ARHGEF2: variants seen among roughly 807,000 people sequenced by gnomAD.
ARHGEF2 encodes rho guanine nucleotide exchange factor 2.
In ARHGEF2, 22 loss-of-function variants were observed where a neutral mutation model predicts 121.0. That is an observed-to-expected ratio of 0.18 (90% CI 0.13 to 0.26). The LOEUF is 0.26. Ranked by LOEUF, ARHGEF2 falls within the 10% of genes least tolerant of loss-of-function variation. ARHGEF2 has a pLI of 1.00. For missense variants in ARHGEF2, 907 were observed against 1,336.0 expected, an observed-to-expected ratio of 0.68 and a Z score of 5.01; for synonymous variants, 487 against 530.0, an observed-to-expected ratio of 0.92 and a Z score of 1.11.
chr1:155,972,918 G>A (rs1176704093), intron 1 of ARHGEF2, among the ~76,000 whole-genome samples: 1 of 151,714 alleles, frequency 6.6e-6, no homozygotes. Flanking sequence ...TGCCCAGGCT[G>A]GTCTCGAACT....
chr1:155,952,714 A>G lies in ARHGEF2; in HGVS notation c.1898T>C (p.Leu633Pro), dbSNP rs1343670184. 6.2e-7 allele frequency: 1 copy of G among 1,614,212 alleles called. No individual in the cohort carries two copies. The highest frequency in any genetic ancestry group is 1.7e-5 in the Admixed American group (1 of 60,024). Residue 633 changes from leucine (L) to proline (P), a missense_variant, in exon 15 of 22, where the codon CTG becomes CCG. Around this residue, in one of 2 missense-constraint regions of ARHGEF2, gnomAD observed 432 missense variants for 559.5 expected, o/e 0.77. Coordinates refer to ENST00000361247, the MANE Select transcript of ARHGEF2 (RefSeq NM_001162383.2). Reference protein sequence around the residue: ...AEEDGGSGMALPTLPRGLFRS... With the variant: ...AEEDGGSGMAPPTLPRGLFRS... ...GAAAAGGCCCCTGGGCAGGGTGGGC[A>G]GGGCCATCCCACTGCCACCATCCTC... is the stretch of plus-strand genomic sequence containing the variant.
Position 155,978,440 on chromosome 1 carries a change from G to T in ARHGEF2, c.-13C>A. 1.4e-6 allele frequency: 2 copies of T among 1,474,420 alleles called. No individual in the cohort carries two copies. Among genetic ancestry groups the T allele is most frequent in the Non-Finnish European group, 1.8e-6 (2 of 1,097,514 alleles). The allele number at this position is 1,474,420 out of a possible 1,614,324, so 91.3% of individuals were successfully genotyped here. A position where few individuals can be genotyped will look rare whatever the true frequency, so the allele number is the denominator to read the frequency against. ...CGATCCGAGACATAATCGGACGGGG[G>T]GACCAGGGAGGACGCGGCGCGGACC... On this transcript the variant is annotated 5_prime_UTR_variant, in exon 1 of 22. Transcript: ENST00000361247. The surrounding 1 kb of genome is among the most constrained non-coding windows in gnomAD (Gnocchi z 4.1).
chr1:155,976,609 C>G (rs1196041715), intron 1 of ARHGEF2, among the ~76,000 whole-genome samples: 2 of 137,720 alleles, frequency 1.5e-5, no homozygotes, highest in South Asian at 2.7e-4. Context: ...CCTGCCCCCA[C>G]AGAACCGCTC....
At position 155,951,494 on chromosome 1, in the gene ARHGEF2, G is replaced by A; in HGVS notation, c.2248C>T (p.His750Tyr). 1 of 1,614,198 alleles carries A rather than the reference G, an allele frequency of 6.2e-7. No individual in the cohort carries two copies. Among genetic ancestry groups the A allele is most frequent in the Non-Finnish European group, 8.5e-7 (1 of 1,180,030 alleles). The change falls in exon 19 of 22, where the codon CAT becomes TAT. Residue 750 changes from histidine (H) to tyrosine (Y), a missense_variant. Around this residue, in one of 2 missense-constraint regions of ARHGEF2, gnomAD observed 432 missense variants for 559.5 expected, o/e 0.77. Coordinates refer to ENST00000361247, the MANE Select transcript of ARHGEF2 (RefSeq NM_001162383.2). This position sits in a 1 kb window ranked among gnomAD's most constrained non-coding sequence, Gnocchi z 5.1. ...CTTGTCCTACTGACCTGTAGGCCAT[G>A]TAGAAGTCCATAGAGATTGACCAAT... is the stretch of plus-strand genomic sequence containing the variant. Reference protein sequence around the residue: ...QRLVNLYGLLHGLQAAVAQQD... With the variant: ...QRLVNLYGLLYGLQAAVAQQD...
intron 4 of ARHGEF2, 79 bp downstream of exon 4, chr1:155,966,337 G>T: frequency 7.1e-7 from 1 of 1,404,560 alleles, no homozygotes; most frequent in Non-Finnish European, 1.0e-6. Context: ...AACAACCTTA[G>T]TGGGGCAGCA....
In ARHGEF2 at chr1:155,974,852, A is replaced by AGG. The variant is rs35700691; in HGVS notation, c.63+3511_63+3512dup. Among the ~76,000 whole-genome samples the AGG allele has an allele frequency of 7.7e-4, 117 of 151,296 alleles. 1 individual carries two copies. In the South Asian group the frequency reaches 0.018, roughly 23 times the overall value. On this transcript the variant is annotated intron_variant, in intron 1 of 21. Transcript: ENST00000361247. ...AGGAGAGAGAGACAAGCAGAAAGAG[A>AGG]GGGGGGGTAAGCGATGCAAACAGAC...
At chr1:155,954,285 T>C (rs539611893) in intron 14 of ARHGEF2, among the ~76,000 whole-genome samples, 1,477 of 141,056 alleles carry the variant, frequency 0.01, 16 homozygotes, top group African/African-American at 0.033. Context: ...TCTACTTCTT[T>C]TTTTTTTTTT....
chr1:155,965,279 T>C lies in ARHGEF2; in HGVS notation c.580+24A>G, dbSNP rs767434397. 1 of 1,610,584 alleles carries C rather than the reference T, an allele frequency of 6.2e-7. No individual in the cohort carries two copies. The highest frequency in any genetic ancestry group is 8.5e-7 in the Non-Finnish European group (1 of 1,176,892). Reference sequence around the variant, plus strand: ...AGCCCCTCTTCATGTTCCTCAGGGCTCCCCTGGGCCCAGGCCTGCTCACCT... The same window carrying C: ...AGCCCCTCTTCATGTTCCTCAGGGCCCCCCTGGGCCCAGGCCTGCTCACCT... On this transcript the variant is annotated intron_variant, in intron 6 of 21. Coordinates refer to ENST00000361247, the MANE Select transcript of ARHGEF2 (RefSeq NM_001162383.2). This position sits in a 1 kb window ranked among gnomAD's most constrained non-coding sequence, Gnocchi z 6.0.
intron 2 of ARHGEF2, among the ~76,000 whole-genome samples, 199 bp from the exon 3 acceptor site, chr1:155,967,086 G>T (rs1679551312): frequency 6.6e-6 from 1 of 152,104 alleles, no homozygotes; most frequent in South Asian, 2.1e-4. Context: ...GAAGTGAGGG[G>T]GGTATAGGTG....
chr1:155,967,887 G>A (rs1043575411), intron 2 of ARHGEF2, among the ~76,000 whole-genome samples: 1 of 152,002 alleles, frequency 6.6e-6, no homozygotes, highest in Non-Finnish European at 1.5e-5. Context: ...CCAGCACCAC[G>A]CTCACTTCCA....
At position 155,946,951 on chromosome 1, in the gene ARHGEF2, G is replaced by A. The variant is rs1230253431; in HGVS notation, c.*991C>T. ...GACATTTGGGGGCTGGTCGACATTT[G>A]GGGGCAAGGGTTCCACTGAAAAATC... On this transcript the variant is annotated 3_prime_UTR_variant, in exon 22 of 22. Coordinates refer to ENST00000361247, the MANE Select transcript of ARHGEF2 (RefSeq NM_001162383.2). The A allele has an allele frequency of 6.5e-6, 1 of 153,052 alleles. No homozygotes were observed. The highest frequency in any genetic ancestry group is 6.5e-5 in the Admixed American group (1 of 15,284). The allele number at this position is 153,052 out of a possible 1,614,324, so 9.5% of individuals were successfully genotyped here. A position where few individuals can be genotyped will look rare whatever the true frequency, so the allele number is the denominator to read the frequency against.
At chr1:155,957,567 C>T (rs751186052) in intron 13 of ARHGEF2, 146 bp downstream of exon 13, 2 of 885,514 alleles carry the variant, frequency 2.3e-6, no homozygotes, top group Admixed American at 3.3e-5. Flanking sequence ...GTGACCTTTC[C>T]AGTCTTGGGC....
At chr1:155,955,361 G>A (rs181181604) in intron 13 of ARHGEF2, among the ~76,000 whole-genome samples, 65 of 151,934 alleles carry the variant, frequency 4.3e-4, no homozygotes, top group Non-Finnish European at 1.0e-4. Context: ...CTGACCTCAG[G>A]TGATCCTCCG....
intron 7 of ARHGEF2, among the ~76,000 whole-genome samples, chr1:155,963,530 G>T (rs1182549116): frequency 2.0e-5 from 3 of 151,132 alleles, no homozygotes; most frequent in Admixed American, 2.0e-4. Flanking sequence ...ATTTTTAGTA[G>T]AGATGGGGTT....
intron 1 of ARHGEF2, chr1:155,972,130 G>A (rs796286796): frequency 6.6e-5 from 25 of 380,100 alleles, no homozygotes; most frequent in African/African-American, 5.2e-4. Context: ...GAGTGGCAAA[G>A]GGAGGGAGAA....
Position 155,962,444 on chromosome 1 carries a change from G to A in ARHGEF2, c.1101+149C>T. ...CACAACGTGCTCTAGCATTCTGAGG[G>A]GTTACTGCTGACAGGATCTGTGTAT... On this transcript the variant is annotated intron_variant, in intron 9 of 21. Transcript: ENST00000361247. This position sits in a 1 kb window ranked among gnomAD's most constrained non-coding sequence, Gnocchi z 5.8. 3.3e-6 allele frequency: 4 copies of A among 1,216,786 alleles called. No homozygotes were observed. Among genetic ancestry groups the A allele is most frequent in the Non-Finnish European group, 4.6e-6 (4 of 860,958 alleles). The allele number at this position is 1,216,786 out of a possible 1,614,324, so 75.4% of individuals were successfully genotyped here.
chr1:155,978,451 G>C lies in ARHGEF2; in HGVS notation c.-24C>G, dbSNP rs1215285804. 1.8e-5 allele frequency: 26 copies of C among 1,462,854 alleles called. No individual in the cohort carries two copies. The highest frequency in any genetic ancestry group is 2.3e-5 in the Non-Finnish European group (25 of 1,091,270). The allele number at this position is 1,462,854 out of a possible 1,614,324, so 90.6% of individuals were successfully genotyped here. A position where few individuals can be genotyped will look rare whatever the true frequency, so the allele number is the denominator to read the frequency against. On this transcript the variant is annotated 5_prime_UTR_variant, in exon 1 of 22. Coordinates refer to ENST00000361247, the MANE Select transcript of ARHGEF2 (RefSeq NM_001162383.2). This position sits in a 1 kb window ranked among gnomAD's most constrained non-coding sequence, Gnocchi z 4.1. ...ATAATCGGACGGGGGGACCAGGGAG[G>C]ACGCGGCGCGGACCCCGGCGTCCTG...
In ARHGEF2 at chr1:155,961,098, A is replaced by G. The variant is rs560283654; in HGVS notation, c.1468+563T>C. On this transcript the variant is annotated intron_variant, in intron 11 of 21. Transcript: ENST00000361247. This position sits in a 1 kb window ranked among gnomAD's most constrained non-coding sequence, Gnocchi z 4.7. Reference sequence around the variant, plus strand: ...GAGAGCTTCTTTGTCTTCCTCAGTAAAACTAGTAGCTCTCTAGGCATGCAA... The same window carrying G: ...GAGAGCTTCTTTGTCTTCCTCAGTAGAACTAGTAGCTCTCTAGGCATGCAA... Among the ~76,000 whole-genome samples, 1 of 152,198 alleles carries G rather than the reference A, an allele frequency of 6.6e-6. No homozygotes were observed. Among genetic ancestry groups the G allele is most frequent in the East Asian group, 1.9e-4 (1 of 5,184 alleles).
rs1358005674 is a variant in ARHGEF2, at chr1:155,947,690, T to G, written c.*252A>C. 3.9e-6 allele frequency: 2 copies of G among 510,218 alleles called. No individual in the cohort carries two copies. The highest frequency in any genetic ancestry group is 7.0e-6 in the Non-Finnish European group (2 of 285,952). The allele number at this position is 510,218 out of a possible 1,614,324, so 31.6% of individuals were successfully genotyped here. A position where few individuals can be genotyped will look rare whatever the true frequency, so the allele number is the denominator to read the frequency against. Reference sequence around the variant, plus strand: ...CTAATAAACAATAAATAAATAAATTTTCCTAAAGTTGCGGGAAGAAGGCAT... The same window carrying G: ...CTAATAAACAATAAATAAATAAATTGTCCTAAAGTTGCGGGAAGAAGGCAT... On this transcript the variant is annotated 3_prime_UTR_variant, in exon 22 of 22. Coordinates refer to ENST00000361247, the MANE Select transcript of ARHGEF2 (RefSeq NM_001162383.2).
Sources: gnomAD v4.1 joint callset for allele counts (sites outside exome capture counted in the v4.1 genomes callset) on GRCh38, gnomAD v4.1.1 for gene constraint, gnomAD v4.1.1 regional missense constraint, Gnocchi (gnomAD v3.1) non-coding constraint, MANE v1.5 for transcripts, NCBI Gene and HGNC (gene_info 2026-07-23, HGNC 2026-07-21) for gene names.